PAWR: variants seen among roughly 807,000 people sequenced by gnomAD.
The protein encoded by PAWR is pro-apoptotic WT1 regulator.
PAWR carries 23 observed loss-of-function variants against 32.0 expected under a neutral mutation model. The observed-to-expected ratio is 0.72, with a 90% CI of 0.52 to 1.02. The LOEUF (loss-of-function observed/expected upper bound fraction) is 1.02, where lower values mean the gene tolerates loss of function less well. PAWR is among the 50% of genes least tolerant of loss of function. The pLI is 0.00. For missense variants in PAWR, 457 were observed against 437.7 expected (o/e 1.04, Z -0.39); for synonymous variants, 226 against 187.1 (o/e 1.21, Z -1.70).
At chr12:79,608,049 C>CAA (rs202174917) in intron 4 of PAWR, among the ~76,000 whole-genome samples, 2 of 75,872 alleles carry the variant, frequency 2.6e-5, no homozygotes, top group African/African-American at 4.8e-5. Flanking sequence ...AACTCGGACT[C>CAA]AAAAAAAAAA....
intron 4 of PAWR, among the ~76,000 whole-genome samples, chr12:79,607,289 T>C (rs1017660878): frequency 6.6e-6 from 1 of 150,592 alleles, no homozygotes; most frequent in Admixed American, 6.6e-5. Context: ...ACTCTGTCTT[T>C]AAAAAAAAAG....
chr12:79,643,827 T>C (rs879626320), intron 2 of PAWR, among the ~76,000 whole-genome samples: 8 of 152,154 alleles, frequency 5.3e-5, no homozygotes, highest in Non-Finnish European at 1.0e-4. Context: ...TATCAAAATT[T>C]TACATAGCAA....
intron 2 of PAWR, among the ~76,000 whole-genome samples, chr12:79,670,874 G>A: frequency 6.8e-6 from 1 of 148,054 alleles, no homozygotes; most frequent in African/African-American, 2.5e-5. Context: ...TTTTTTTTTA[G>A]GGGTTTTTTT....
intron 2 of PAWR, 42 bp downstream of exon 2, chr12:79,689,687 C>G: frequency 6.6e-7 from 1 of 1,524,110 alleles, no homozygotes; most frequent in South Asian, 1.2e-5. Flanking sequence ...GAGGCAGCTG[C>G]CCGCCCCGGC....
chr12:79,642,577 C>G (rs1344235860), intron 2 of PAWR, among the ~76,000 whole-genome samples: 2 of 152,058 alleles, frequency 1.3e-5, no homozygotes, highest in Non-Finnish European at 1.5e-5. Context: ...GGCCTTTTTT[C>G]TGTGTGTGTG....
rs1878914592 is a variant in PAWR at position 79,690,043 on chromosome 12, C to T, written c.202G>A (p.Glu68Lys). The T allele has an allele frequency of 7.4e-7, 1 of 1,356,406 alleles. No homozygotes were observed. The highest frequency in any genetic ancestry group is 9.4e-7 in the Non-Finnish European group (1 of 1,064,176). The allele number at this position is 1,356,406 out of a possible 1,614,324, so 84.0% of individuals were successfully genotyped here. Residue 68 changes from glutamate (E) to lysine (K), a missense_variant, in exon 2 of 7, where the codon GAG becomes AAG. Physicochemically the swap from Glu to Lys is moderately conservative, Grantham distance 56 (BLOSUM62 1). Coordinates refer to ENST00000328827, the MANE Select transcript of PAWR (RefSeq NM_002583.4). ...CCGCCCGGGAGGTTGTTGTTGAGCT[C>T]GTTGGCAGCGGCGGCCGCCGGGGTG... ...LGTPAAAAANELNNNLPGGAP... is the reference protein window; with the variant it reads ...LGTPAAAAANKLNNNLPGGAP...
chr12:79,619,562 T>C (rs1874903025), intron 3 of PAWR, among the ~76,000 whole-genome samples: 1 of 152,214 alleles, frequency 6.6e-6, no homozygotes, highest in Admixed American at 6.5e-5. Flanking sequence ...CTATCTATGA[T>C]TTCAGGCATC....
intron 2 of PAWR, among the ~76,000 whole-genome samples, chr12:79,664,669 G>GGA (rs1360537517): frequency 2.1e-5 from 3 of 145,270 alleles, no homozygotes; most frequent in African/African-American, 7.6e-5. Context: ...GGGGGGGGGA[G>GGA]GAGAGAGAGA....
chr12:79,669,866 A>G (rs1478492677), intron 2 of PAWR, among the ~76,000 whole-genome samples: 1 of 151,856 alleles, frequency 6.6e-6, no homozygotes, highest in Non-Finnish European at 1.5e-5. Flanking sequence ...ATACTGGGCT[A>G]ATTTTTGTAT....
At chr12:79,639,910 CCAT>C (rs1439643839) in intron 2 of PAWR, among the ~76,000 whole-genome samples, 7 of 150,552 alleles carry the variant, frequency 4.6e-5, no homozygotes, top group Non-Finnish European at 1.0e-4. Flanking sequence ...CCATTCCATT[CCAT>C]TCTATTCTAG....
At chr12:79,625,355 A>C (rs1875237049) in intron 2 of PAWR, among the ~76,000 whole-genome samples, 1 of 152,212 alleles carries the variant, frequency 6.6e-6, no homozygotes, top group African/African-American at 2.4e-5. Flanking sequence ...TGAAGAAATA[A>C]TAGCTGAATT....
intron 5 of PAWR, 28 bp downstream of exon 5, chr12:79,596,483 T>A (rs745637761): frequency 1.7e-6 from 2 of 1,162,350 alleles, no homozygotes; most frequent in South Asian, 1.5e-5. Flanking sequence ...ATTAATTTTA[T>A]CAATCTTAAA....
At chr12:79,631,799 A>C (rs1349114808) in intron 2 of PAWR, among the ~76,000 whole-genome samples, 1 of 152,204 alleles carries the variant, frequency 6.6e-6, no homozygotes, top group Non-Finnish European at 1.5e-5. Context: ...TTAAGTGGAA[A>C]TGAAGAGGAT....
chr12:79,643,211 A>G lies in PAWR; in HGVS notation c.517-22004T>C, dbSNP rs8176829. On this transcript the variant is annotated intron_variant, in intron 2 of 6. Coordinates refer to ENST00000328827, the MANE Select transcript of PAWR (RefSeq NM_002583.4). ...AATAAATATCAGAGGGAGGAAAGAA[A>G]AGAAGGTAGGGAGGAAGGAGGAAAC... 6.5e-3 allele frequency among the ~76,000 whole-genome samples: 989 copies of G among 152,256 alleles called. 11 individuals are homozygous for G. Among genetic ancestry groups the G allele is most frequent in the African/African-American group, 0.019 (809 of 41,554 alleles).
At chr12:79,681,236 G>C (rs760242687) in intron 2 of PAWR, among the ~76,000 whole-genome samples, 3 of 152,144 alleles carry the variant, frequency 2.0e-5, no homozygotes, top group Admixed American at 2.0e-4. Flanking sequence ...TAATAAGGCA[G>C]ATAAGCAGTA....
rs1157321223 is a variant in PAWR, at chr12:79,639,915, C to CCA, written c.517-18709_517-18708insTG. 5.8e-4 allele frequency among the ~76,000 whole-genome samples: 87 copies of CCA among 150,272 alleles called. 2 individuals are homozygous for CCA. The highest frequency in any genetic ancestry group is 2.0e-3 in the African/African-American group (80 of 40,702). The stretch of plus-strand genomic sequence containing the variant: ...CCATTCCATTCCATTCCATTCCATT[C>CCA]TATTCTAGAGATGGAGTCTCACTCT... On this transcript the variant is annotated intron_variant, in intron 2 of 6. Transcript: ENST00000328827.
chr12:79,603,662 ATGCTAT>A (rs1874047375), intron 4 of PAWR: 1 of 143,138 alleles, frequency 7.0e-6, no homozygotes, highest in South Asian at 2.2e-4. Context: ...CGGCATCATT[ATGCTAT>A]TTTTTTTTTT....
intron 2 of PAWR, among the ~76,000 whole-genome samples, chr12:79,660,953 G>GA (rs1009261983): frequency 4.6e-5 from 7 of 151,038 alleles, no homozygotes; most frequent in East Asian, 2.0e-4. Flanking sequence ...ATATAGCTAA[G>GA]AAAAAAATCT....
In PAWR at chr12:79,591,342, T is replaced by G. The variant is rs1214463244; in HGVS notation, c.*1265A>C. 6.6e-6 allele frequency: 1 copy of G among 152,124 alleles called. No individual in the cohort carries two copies. The highest frequency in any genetic ancestry group is 1.5e-5 in the Non-Finnish European group (1 of 68,016). 9.4% of individuals were successfully genotyped at this position (152,124 alleles called of 1,614,324 possible). A position where few individuals can be genotyped will look rare whatever the true frequency, so the allele number is the denominator to read the frequency against. On this transcript the variant is annotated 3_prime_UTR_variant, in exon 7 of 7. Transcript: ENST00000328827. ...CAAGTGAAGGAAAAAGTCAGTAGAG[T>G]ACCTAAAATGGATTTGACTATATTC... is the stretch of plus-strand genomic sequence containing the variant.
Sources: allele counts gnomAD v4.1 joint callset (sites outside exome capture counted in the v4.1 genomes callset), GRCh38; gene constraint gnomAD v4.1.1; transcripts MANE v1.5; gene names NCBI Gene and HGNC (gene_info 2026-07-23, HGNC 2026-07-21).